Variants in CFAP206 observed in about 807,000 individuals in gnomAD.
CFAP206 encodes the protein cilia- and flagella-associated protein 206.
CFAP206 carries 53 observed loss-of-function variants against 65.4 expected under a neutral mutation model. The ratio of observed to expected loss-of-function variants is 0.81; its 90% CI spans 0.65 to 1.02. CFAP206 has a LOEUF of 1.02. CFAP206 is among the 50% of genes least tolerant of loss of function. The pLI, the probability that CFAP206 is intolerant of heterozygous loss-of-function variation, is 0.00. For synonymous variants in CFAP206, 250 were observed against 254.4 expected (o/e 0.98, Z 0.17); for missense variants, 663 against 753.2 (o/e 0.88, Z 1.40).
At position 87,461,120 on chromosome 6, in the gene CFAP206, A is replaced by G. The variant is rs745611076; in HGVS notation, c.1593A>G (p.Ser531=). 1 of 1,583,266 alleles carries G rather than the reference A, an allele frequency of 6.3e-7. No individual in the cohort carries two copies. The change falls in exon 12 of 13, where the codon TCA becomes TCG. Residue 531 remains serine, a synonymous_variant. Coordinates refer to ENST00000369562, the MANE Select transcript of CFAP206 (RefSeq NM_001031743.3). Reference sequence around the variant, plus strand: ...TACTGCCACCAACGATTGTGAGATCATATGAGTGGAATGAATGGGAATTAA... The same window carrying G: ...TACTGCCACCAACGATTGTGAGATCGTATGAGTGGAATGAATGGGAATTAA... ...THILPPTIVR[S]YEWNEWELRR...
At chr6:87,410,341 A>C (rs1767712650) in intron 2 of CFAP206, among the ~76,000 whole-genome samples, 1 of 152,214 alleles carries the variant, frequency 6.6e-6, no homozygotes, top group Admixed American at 6.5e-5. Context: ...CATTGCTTTC[A>C]ACTTATTTCC....
chr6:87,428,978 C>T (rs1676555689), intron 9 of CFAP206, among the ~76,000 whole-genome samples, 154 bp downstream of exon 9: 3 of 152,316 alleles, frequency 2.0e-5, no homozygotes, highest in East Asian at 1.9e-4. Flanking sequence ...TGGTGGCTCA[C>T]GCCTGTAATC....
intron 12 of CFAP206, among the ~76,000 whole-genome samples, chr6:87,463,613 G>C (rs181732419): frequency 6.6e-6 from 1 of 152,172 alleles, no homozygotes; most frequent in East Asian, 1.9e-4. Context: ...TAAAAATCTA[G>C]GGTGAAGTCC....
At chr6:87,448,103 C>T (rs950643893) in intron 11 of CFAP206, among the ~76,000 whole-genome samples, 4 of 152,136 alleles carry the variant, frequency 2.6e-5, no homozygotes, top group Admixed American at 2.6e-4. Context: ...TATCCCTCCC[C>T]TAGTCCACCA....
chr6:87,417,703 GTAACTGGGTTA>G (rs1032958914), intron 6 of CFAP206, among the ~76,000 whole-genome samples: 2 of 148,910 alleles, frequency 1.3e-5, no homozygotes, highest in African/African-American at 5.0e-5. Flanking sequence ...CTGACCTACT[GTAACTGGGTTA>G]TCATTCTGTT....
chr6:87,416,091 C>T (rs1289046824), intron 5 of CFAP206, among the ~76,000 whole-genome samples: 6 of 152,018 alleles, frequency 3.9e-5, no homozygotes, highest in African/African-American at 1.5e-4. Context: ...TGAAATATTG[C>T]TAATTTTCCT....
At chr6:87,443,287 A>G (rs990561206) in intron 11 of CFAP206, among the ~76,000 whole-genome samples, 11 of 152,116 alleles carry the variant, frequency 7.2e-5, no homozygotes, top group South Asian at 6.2e-4. Flanking sequence ...TTTAAACTCT[A>G]CATTATCTTA....
chr6:87,408,318 C>G (rs919506051), intron 1 of CFAP206, among the ~76,000 whole-genome samples: 3 of 152,252 alleles, frequency 2.0e-5, no homozygotes, highest in African/African-American at 7.2e-5. Flanking sequence ...AGCCTTTGCG[C>G]GGGTGCCTGA....
chr6:87,444,693 C>T, intron 11 of CFAP206: 1 of 351,524 alleles, frequency 2.8e-6, no homozygotes, highest in Non-Finnish European at 5.5e-6. Context: ...ATGCTCTTTT[C>T]TGAGCCTTTT....
chr6:87,443,318 A>G (rs1768386716), intron 11 of CFAP206, among the ~76,000 whole-genome samples: 1 of 152,016 alleles, frequency 6.6e-6, no homozygotes, highest in South Asian at 2.1e-4. Context: ...TAAACTCCAG[A>G]TATTGTTTAT....
chr6:87,423,404 A>G lies in CFAP206; in HGVS notation c.841-3122A>G, dbSNP rs370287852. Among the ~76,000 whole-genome samples, 14 of 151,396 alleles carry G rather than the reference A, an allele frequency of 9.2e-5. No individual in the cohort carries two copies. In the East Asian group the frequency reaches 2.3e-3, roughly 25 times the overall value. On this transcript the variant is annotated intron_variant, in intron 7 of 12. Coordinates refer to ENST00000369562, the MANE Select transcript of CFAP206 (RefSeq NM_001031743.3). ...GCTGGGACTACAGGCGCCCGCCACC[A>G]CGTCCGGCTAATTTTTTGTACTCTT...
At chr6:87,447,601 T>G (rs879330256) in intron 11 of CFAP206, among the ~76,000 whole-genome samples, 3 of 152,220 alleles carry the variant, frequency 2.0e-5, no homozygotes, top group Non-Finnish European at 4.4e-5. Context: ...TGAGGATTTT[T>G]GCATCAATGT....
rs113601854 is a variant in CFAP206 at position 87,447,967 on chromosome 6, TTAC to T, written c.1494+12917_1494+12919del. Among the ~76,000 whole-genome samples, 1,105 of 150,978 alleles carry T rather than the reference TTAC, an allele frequency of 7.3e-3. 22 individuals are homozygous for T. The highest frequency in any genetic ancestry group is 0.026 in the African/African-American group (1,053 of 41,244). On this transcript the variant is annotated intron_variant, in intron 11 of 12. Transcript: ENST00000369562. ...TAGATTTTCTTTATTATTATTATTA[TTAC>T]TATACTTTAAGTTCTGGGATACATG...
intron 11 of CFAP206, among the ~76,000 whole-genome samples, chr6:87,453,568 G>C (rs1285316202): frequency 1.3e-5 from 2 of 152,056 alleles, no homozygotes; most frequent in African/African-American, 4.8e-5. Context: ...ACAACAAAAA[G>C]TTAAGAAGCG....
intron 7 of CFAP206, among the ~76,000 whole-genome samples, chr6:87,418,625 A>AT (rs767805688): frequency 1.3e-4 from 20 of 152,078 alleles, no homozygotes; most frequent in Non-Finnish European, 2.1e-4. Context: ...TTGAATTTGT[A>AT]TTTTTTCATT....
intron 7 of CFAP206, among the ~76,000 whole-genome samples, chr6:87,422,917 G>A (rs557200791): frequency 3.2e-4 from 48 of 152,082 alleles, no homozygotes; most frequent in African/African-American, 8.2e-4. Flanking sequence ...TGGGGGAGGG[G>A]TCTAGAGTAT....
intron 11 of CFAP206, among the ~76,000 whole-genome samples, chr6:87,439,879 T>C (rs6915077): frequency 6.6e-5 from 10 of 151,656 alleles, no homozygotes; most frequent in African/African-American, 2.4e-4. Flanking sequence ...TATTCAATTT[T>C]AAAAAAAATC....
At chr6:87,416,940 A>AT in intron 6 of CFAP206, 113 bp downstream of exon 6, 1 of 930,990 alleles carries the variant, frequency 1.1e-6, no homozygotes, top group African/African-American at 1.7e-5. Flanking sequence ...TAAGATTTGC[A>AT]TTTTTTACTG....
intron 9 of CFAP206, 43 bp downstream of exon 9, chr6:87,428,867 C>A: frequency 6.6e-7 from 1 of 1,524,006 alleles, no homozygotes; most frequent in Middle Eastern, 1.7e-4. Flanking sequence ...TTTAAAATTA[C>A]CTCTAGAATA....
Sources: allele counts gnomAD v4.1 joint callset (sites outside exome capture counted in the v4.1 genomes callset), GRCh38; gene constraint gnomAD v4.1.1; transcripts MANE v1.5; gene names NCBI Gene and HGNC (gene_info 2026-07-23, HGNC 2026-07-21).